Variants in CHD6 observed in about 807,000 individuals in gnomAD.
CHD6 encodes chromodomain helicase DNA binding protein 6, also known as ATP-dependent chromatin remodeler CHD6.
Under a neutral mutation model 276.9 loss-of-function variants are expected in CHD6, and 50 were observed. The ratio of observed to expected loss-of-function variants is 0.18; its 90% CI spans 0.14 to 0.23. CHD6 has a LOEUF of 0.23. CHD6 is among the 10% of genes least tolerant of loss of function. The pLI, the probability that CHD6 is intolerant of heterozygous loss-of-function variation, is 1.00. For missense variants in CHD6, 2,564 were observed against 3,365.8 expected (o/e 0.76, Z 5.89); for synonymous variants, 1,173 against 1,229.3 (o/e 0.95, Z 0.96).
chr20:41,503,425 T>C (rs1428924354), intron 5 of CHD6, among the ~76,000 whole-genome samples: 1 of 152,204 alleles, frequency 6.6e-6, no homozygotes, highest in Non-Finnish European at 1.5e-5. Context: ...TATTTATTCT[T>C]TCTCTTTATT....
At chr20:41,511,348 C>G (rs575736590) in intron 5 of CHD6, among the ~76,000 whole-genome samples, 1 of 152,344 alleles carries the variant, frequency 6.6e-6, no homozygotes, top group Non-Finnish European at 1.5e-5. Flanking sequence ...AATAATGCCC[C>G]TCCTACATGC....
chr20:41,535,210 G>A (rs1191614322), intron 2 of CHD6, among the ~76,000 whole-genome samples: 2 of 152,182 alleles, frequency 1.3e-5, no homozygotes, highest in Non-Finnish European at 2.9e-5. Context: ...CTAGAAGCAG[G>A]TGGCAGTAAG....
At chr20:41,600,421 A>C (rs2045761698) in intron 1 of CHD6, among the ~76,000 whole-genome samples, 1 of 152,160 alleles carries the variant, frequency 6.6e-6, no homozygotes, top group African/African-American at 2.4e-5. Flanking sequence ...TAAGCGGAGT[A>C]GGGTAGAGTG....
Position 41,405,398 on chromosome 20 carries a change from C to T in CHD6, c.7343G>A (p.Ser2448Asn), listed in dbSNP as rs1378671702. The T allele has an allele frequency of 6.2e-7, 1 of 1,613,674 alleles. No homozygotes were observed. The highest frequency in any genetic ancestry group is 1.3e-5 in the African/African-American group (1 of 74,942). The change falls in exon 37 of 37, where the codon AGC becomes AAC. Residue 2448 changes from serine (S) to asparagine (N), a missense_variant. This residue lies in a region of CHD6 where 1,024 missense variants were observed against 1,047.9 expected (regional missense o/e 0.98). Coordinates refer to ENST00000373233, the MANE Select transcript of CHD6 (RefSeq NM_032221.5). ...AATGGAAGGAGCCTTCAGGAGTTCG[C>T]TCCGAGGCCGCCTCCCCCTCCTGCG... ...GPRRRGRRPR[S>N]ELLKAPSIVA...
intron 1 of CHD6, among the ~76,000 whole-genome samples, chr20:41,582,647 A>G (rs2045553034): frequency 6.6e-6 from 1 of 152,198 alleles, no homozygotes. Flanking sequence ...GACAAACCAA[A>G]CAAGAGAGCC....
chr20:41,498,823 G>A (rs199566730), intron 6 of CHD6, among the ~76,000 whole-genome samples: 19 of 94,258 alleles, frequency 2.0e-4, no homozygotes, highest in East Asian at 1.8e-3. Context: ...GTGTGTGTGT[G>A]TGTGTGTGTG....
chr20:41,425,501 C>G, intron 28 of CHD6, 107 bp from the exon 29 acceptor site: 1 of 1,135,146 alleles, frequency 8.8e-7, no homozygotes, highest in Non-Finnish European at 1.3e-6. Flanking sequence ...ATAATTTACT[C>G]AAAGTAGTTA....
Position 41,421,554 on chromosome 20 carries a change from T to C in CHD6, c.5081A>G (p.His1694Arg), listed in dbSNP as rs1217354403. Residue 1694 changes from histidine (H) to arginine (R), a missense_variant, in exon 31 of 37, where the codon CAT becomes CGT. Coordinates refer to ENST00000373233, the MANE Select transcript of CHD6 (RefSeq NM_032221.5). ...SKVQDVISIN[H>R]DESLLPESLE... ...GGACTCAGGCAGCAGACTTTCATCA[T>C]GGTTGATGGAAATGACATCCTGAAC... The C allele has an allele frequency of 3.1e-6, 5 of 1,613,084 alleles. No individual in the cohort carries two copies. In the South Asian group the frequency reaches 3.3e-5, roughly 11 times the overall value.
rs559560175 is a variant in CHD6, at chr20:41,611,455, T to C, written c.-24+6885A>G. Among the ~76,000 whole-genome samples, 43 of 152,324 alleles carry C rather than the reference T, an allele frequency of 2.8e-4. 3 individuals are homozygous for C. In the Middle Eastern group the frequency reaches 0.01, roughly 36 times the overall value. ...GTGGCTAGTAGTTCCCGTGCAGATATTGGACACCTCCATCATAACAGGAGG... is the reference window on the plus strand; with the variant it reads ...GTGGCTAGTAGTTCCCGTGCAGATACTGGACACCTCCATCATAACAGGAGG... On this transcript the variant is annotated intron_variant, in intron 1 of 36. Transcript: ENST00000373233.
At chr20:41,495,141 A>T (rs2043652639) in intron 8 of CHD6, among the ~76,000 whole-genome samples, 1 of 152,218 alleles carries the variant, frequency 6.6e-6, no homozygotes, top group South Asian at 2.1e-4. Context: ...CCTATGAGCT[A>T]AACACTGCTA....
intron 26 of CHD6, among the ~76,000 whole-genome samples, chr20:41,437,742 G>A (rs931595796): frequency 6.6e-5 from 10 of 152,138 alleles, no homozygotes; most frequent in Non-Finnish European, 1.2e-4. Flanking sequence ...CCCTTGGTTG[G>A]CCCTCTGGAT....
chr20:41,562,943 C>G (rs1331228330), intron 1 of CHD6, among the ~76,000 whole-genome samples: 1 of 152,244 alleles, frequency 6.6e-6, no homozygotes, highest in Non-Finnish European at 1.5e-5. Context: ...CCAAATATTA[C>G]TTGTGAGAAG....
At chr20:41,536,084 T>C (rs891635304) in intron 2 of CHD6, among the ~76,000 whole-genome samples, 1 of 152,194 alleles carries the variant, frequency 6.6e-6, no homozygotes, top group South Asian at 2.1e-4. Flanking sequence ...ATTTCTTTCA[T>C]GTGTCTCAAG....
chr20:41,473,220 T>A lies in CHD6; in HGVS notation c.2664+102A>T. On this transcript the variant is annotated intron_variant, in intron 17 of 36. Transcript: ENST00000373233. The surrounding 1 kb of genome is among the most constrained non-coding windows in gnomAD (Gnocchi z 4.1). ...TAAGCCTGTCATCCAGCTGACACCA[T>A]AGCATAGAGCATCACGGATGCTCTG... 9.0e-7 allele frequency: 1 copy of A among 1,108,314 alleles called. No individual in the cohort carries two copies. The highest frequency in any genetic ancestry group is 1.5e-5 in the South Asian group (1 of 66,744). The allele number at this position is 1,108,314 out of a possible 1,614,324, so 68.7% of individuals were successfully genotyped here. A position where few individuals can be genotyped will look rare whatever the true frequency, so the allele number is the denominator to read the frequency against.
intron 9 of CHD6, 62 bp downstream of exon 9, chr20:41,493,796 T>C (rs2043613527): frequency 1.9e-6 from 3 of 1,578,422 alleles, no homozygotes; most frequent in Non-Finnish European, 1.7e-6. Flanking sequence ...AAGGGTCACA[T>C]GTTAAAACAA....
intron 1 of CHD6, among the ~76,000 whole-genome samples, chr20:41,555,446 C>T (rs1454201102): frequency 4.8e-5 from 7 of 145,316 alleles, no homozygotes; most frequent in South Asian, 2.1e-4. Context: ...GGGTGGCTGC[C>T]GGGCGGAGAC....
rs760765637 is a variant in CHD6, at chr20:41,533,104, T to C, written c.500A>G (p.Lys167Arg). ...AGAGTCAGTGCAGCTCCTCTTCTCT[T>C]TGGCCTCCTTGGTGCCCGAGGCCTC... Reference protein sequence around the residue: ...PREASGTKEAKEKRSCTDSAA... With the variant: ...PREASGTKEAREKRSCTDSAA... The change falls in exon 3 of 37, where the codon AAA becomes AGA. Residue 167 changes from lysine (K) to arginine (R), a missense_variant. This residue lies in a region of CHD6 where 286 missense variants were observed against 297.8 expected (regional missense o/e 0.96). Coordinates refer to ENST00000373233, the MANE Select transcript of CHD6 (RefSeq NM_032221.5). 6.2e-7 allele frequency: 1 copy of C among 1,613,238 alleles called. No homozygotes were observed. The highest frequency in any genetic ancestry group is 1.7e-5 in the Admixed American group (1 of 59,774).
chr20:41,424,985 G>A (rs779881714), intron 29 of CHD6, among the ~76,000 whole-genome samples, 193 bp downstream of exon 29: 21 of 152,212 alleles, frequency 1.4e-4, no homozygotes, highest in Non-Finnish European at 2.8e-4. Flanking sequence ...TAAAGACAGG[G>A]TGTTCCTAGA....
At chr20:41,431,102 G>T (rs76472476) in intron 27 of CHD6, among the ~76,000 whole-genome samples, 3,254 of 152,204 alleles carry the variant, frequency 0.021, 45 homozygotes, top group South Asian at 0.04. Context: ...CAAAGGCTGG[G>T]ATTACAGGCA....
Sources: allele counts gnomAD v4.1 joint callset (sites outside exome capture counted in the v4.1 genomes callset), GRCh38; gene constraint gnomAD v4.1.1; regional missense constraint gnomAD v4.1.1; non-coding constraint Gnocchi (gnomAD v3.1); transcripts MANE v1.5; gene names NCBI Gene and HGNC (gene_info 2026-07-23, HGNC 2026-07-21).